The following HACE1 variants were observed in gnomAD, a reference collection of about 807,000 sequenced individuals.
HACE1 encodes HECT domain and ankyrin repeat containing E3 ubiquitin protein ligase 1, also known as E3 ubiquitin-protein ligase HACE1.
HACE1 carries 73 observed loss-of-function variants against 118.4 expected under a neutral mutation model. The ratio of observed to expected loss-of-function variants is 0.62; its 90% CI spans 0.51 to 0.75. The LOEUF is 0.75. Ranked by LOEUF, HACE1 falls within the 30% of genes least tolerant of loss-of-function variation. HACE1 has a pLI of 0.00. For synonymous variants in HACE1, 368 were observed against 374.8 expected (o/e 0.98, Z 0.21); for missense variants, 749 against 1,102.2 (o/e 0.68, Z 4.54).
chr6:104,737,183 T>G (rs1350397737), intron 22 of HACE1, among the ~76,000 whole-genome samples: 2 of 146,040 alleles, frequency 1.4e-5, no homozygotes, highest in Admixed American at 7.0e-5. Flanking sequence ...TCCCAACTAC[T>G]TGGGAGGCTG....
intron 5 of HACE1, among the ~76,000 whole-genome samples, chr6:104,840,324 C>T (rs932781631): frequency 1.3e-5 from 2 of 152,064 alleles, no homozygotes; most frequent in African/African-American, 4.8e-5. Flanking sequence ...TAATAACACA[C>T]AAAAATGATC....
chr6:104,756,426 AATATATAT>A lies in HACE1; in HGVS notation c.2212-5962_2212-5955del, dbSNP rs143518205. On this transcript the variant is annotated intron_variant, in intron 19 of 23. Transcript: ENST00000262903. ...GATTCCATCTCAAAAAAAAAAAAAAAATATATATATATATATATATACACACACACACA... is the reference window on the plus strand; with the variant it reads ...GATTCCATCTCAAAAAAAAAAAAAAAATATATATATATACACACACACACA... Among the ~76,000 whole-genome samples, 26 of 105,956 alleles carry A rather than the reference AATATATAT, an allele frequency of 2.5e-4. 1 individual carries two copies. Among genetic ancestry groups the A allele is most frequent in the Admixed American group, 7.4e-4 (7 of 9,466 alleles). 69.5% of individuals were successfully genotyped at this position (105,956 alleles called of 152,430 possible).
At chr6:104,859,330 C>T (rs913231005) in intron 1 of HACE1, 1 of 499,666 alleles carries the variant, frequency 2.0e-6, no homozygotes, top group Non-Finnish European at 3.5e-6. Context: ...TCTCGCTCCT[C>T]CCAGCAGCGG....
At chr6:104,763,099 A>G (rs766542223) in intron 19 of HACE1, among the ~76,000 whole-genome samples, 5 of 152,050 alleles carry the variant, frequency 3.3e-5, no homozygotes, top group African/African-American at 4.8e-5. Context: ...AGGTTTGGTA[A>G]TTTTTAAAGT....
intron 22 of HACE1, chr6:104,731,337 CT>C (rs1472856626): frequency 6.6e-6 from 1 of 151,674 alleles, no homozygotes; most frequent in East Asian, 1.9e-4. Flanking sequence ...AAAATACTTT[CT>C]TAAAAATATG....
intron 14 of HACE1, among the ~76,000 whole-genome samples, chr6:104,778,467 C>T (rs1284524370): frequency 2.0e-5 from 3 of 152,012 alleles, no homozygotes; most frequent in Admixed American, 1.3e-4. Flanking sequence ...TGAAGCCAAT[C>T]CGAGAGATAC....
At chr6:104,742,631 A>T (rs1007083084) in intron 22 of HACE1, among the ~76,000 whole-genome samples, 1 of 151,160 alleles carries the variant, frequency 6.6e-6, no homozygotes, top group Non-Finnish European at 1.5e-5. Flanking sequence ...CACACCAGTT[A>T]GAATGGCGAT....
intron 3 of HACE1, among the ~76,000 whole-genome samples, 184 bp from the exon 4 acceptor site, chr6:104,849,430 G>A (rs1775965566): frequency 6.6e-6 from 1 of 152,096 alleles, no homozygotes; most frequent in Admixed American, 6.6e-5. Flanking sequence ...TTGACCTCCT[G>A]GGCTCAAGCA....
intron 1 of HACE1, among the ~76,000 whole-genome samples, chr6:104,853,360 T>C (rs1445261645): frequency 2.0e-5 from 3 of 152,196 alleles, no homozygotes; most frequent in Non-Finnish European, 4.4e-5. Flanking sequence ...CACAAAAACA[T>C]GACCCAAAAG....
At chr6:104,834,748 C>T (rs1412262272) in intron 5 of HACE1, among the ~76,000 whole-genome samples, 1 of 152,090 alleles carries the variant, frequency 6.6e-6, no homozygotes, top group East Asian at 1.9e-4. Context: ...TAGAGAAACC[C>T]CCCAAAAAAT....
chr6:104,732,712 C>G (rs1398510265), intron 22 of HACE1, among the ~76,000 whole-genome samples: 2 of 152,062 alleles, frequency 1.3e-5, no homozygotes, highest in Non-Finnish European at 2.9e-5. Context: ...CATTTACACA[C>G]ACACACAAAT....
chr6:104,849,735 G>A (rs1329363467), intron 3 of HACE1, among the ~76,000 whole-genome samples: 9 of 149,230 alleles, frequency 6.0e-5, no homozygotes, highest in East Asian at 2.0e-4. Context: ...TGCAAGCTCC[G>A]CCTCCCGGGT....
chr6:104,783,438 T>C (rs147831372), intron 14 of HACE1, among the ~76,000 whole-genome samples: 48 of 152,340 alleles, frequency 3.2e-4, no homozygotes, highest in Non-Finnish European at 5.1e-4. Context: ...TATATCACAG[T>C]CATTCCTGAC....
intron 19 of HACE1, among the ~76,000 whole-genome samples, chr6:104,750,814 C>T (rs1385879744): frequency 6.6e-6 from 1 of 152,138 alleles, no homozygotes; most frequent in African/African-American, 2.4e-5. Flanking sequence ...ATCTGGTGTC[C>T]CTGTTTCCAT....
At chr6:104,840,144 C>T (rs1774951338) in intron 5 of HACE1, among the ~76,000 whole-genome samples, 1 of 151,966 alleles carries the variant, frequency 6.6e-6, no homozygotes, top group African/African-American at 2.4e-5. Flanking sequence ...TGCAGGGCAA[C>T]TCTCTCTCTC....
At chr6:104,852,421 G>A (rs781538226) in intron 1 of HACE1, 50 bp from the exon 2 acceptor site, 11 of 1,095,432 alleles carry the variant, frequency 1.0e-5, no homozygotes, top group East Asian at 2.4e-5. Context: ...TTGTGCAAGG[G>A]GTGATACTTA....
Position 104,859,679 on chromosome 6 carries a change from GC to G in HACE1, c.-38del, listed in dbSNP as rs1368835078. ...CCTCCGCGATCCTCCGCGATCAGCC[GC>G]CCCACCGGCGGCCTCCGCGCCCAGA... On this transcript the variant is annotated 5_prime_UTR_variant, in exon 1 of 24. Coordinates refer to ENST00000262903, the MANE Select transcript of HACE1 (RefSeq NM_020771.4). 1 of 1,513,802 alleles carries G rather than the reference GC, an allele frequency of 6.6e-7. No homozygotes were observed. Among genetic ancestry groups the G allele is most frequent in the East Asian group, 2.5e-5 (1 of 39,332 alleles). The allele number at this position is 1,513,802 out of a possible 1,614,324, so 93.8% of individuals were successfully genotyped here. A position where few individuals can be genotyped will look rare whatever the true frequency, so the allele number is the denominator to read the frequency against.
intron 7 of HACE1, among the ~76,000 whole-genome samples, chr6:104,800,981 C>T (rs9499975): frequency 0.034 from 5,129 of 152,118 alleles, 273 homozygotes; most frequent in African/African-American, 0.12. Context: ...AAAGGTTAGA[C>T]GAATGGCTAA....
intron 14 of HACE1, among the ~76,000 whole-genome samples, chr6:104,781,912 GTGGATAC>G (rs1321206083): frequency 6.6e-6 from 1 of 152,164 alleles, no homozygotes; most frequent in Non-Finnish European, 1.5e-5. Flanking sequence ...GGTCAACAAA[GTGGATAC>G]CTAATACAGA....
Sources: allele counts gnomAD v4.1 joint callset (sites outside exome capture counted in the v4.1 genomes callset), GRCh38; gene constraint gnomAD v4.1.1; transcripts MANE v1.5; gene names NCBI Gene and HGNC (gene_info 2026-07-23, HGNC 2026-07-21).